ME3: variants seen among roughly 807,000 people sequenced by gnomAD.
ME3 encodes the protein malic enzyme 3.
ME3 carries 48 observed loss-of-function variants against 68.9 expected under a neutral mutation model. The observed-to-expected ratio is 0.70, with a 90% CI of 0.55 to 0.89. The LOEUF (loss-of-function observed/expected upper bound fraction) is 0.89. Ranked by LOEUF, ME3 falls within the 40% of genes least tolerant of loss-of-function variation. The pLI, the probability that ME3 is intolerant of heterozygous loss-of-function variation, is 0.00. For synonymous variants in ME3, 320 were observed against 318.8 expected (o/e 1.00, Z -0.04); for missense variants, 675 against 797.4 (o/e 0.85, Z 1.85).
chr11:86,465,212 G>A lies in ME3; in HGVS notation c.810-12C>T. ...AATTTATTCCAAACCTGTGTGGAGG[G>A]AGAGGAAGAAACCCATGATTGCCTC... On this transcript the variant is annotated splice_polypyrimidine_tract_variant and intron_variant, in intron 7 of 14. Coordinates refer to ENST00000543262, the Ensembl canonical transcript of ME3. The A allele has an allele frequency of 6.3e-7, 1 of 1,587,904 alleles. No individual in the cohort carries two copies. Among genetic ancestry groups the A allele is most frequent in the Non-Finnish European group, 8.6e-7 (1 of 1,157,562 alleles).
intron 13 of ME3, among the ~76,000 whole-genome samples, chr11:86,444,485 A>G (rs939043884): frequency 6.6e-6 from 1 of 152,218 alleles, no homozygotes; most frequent in African/African-American, 2.4e-5. Flanking sequence ...TTGTGAAGGT[A>G]TAGAAGATGG....
In ME3 at chr11:86,594,619, G is replaced by A. The variant is rs571947326; in HGVS notation, c.184-34796C>T. On this transcript the variant is annotated intron_variant, in intron 2 of 14. Transcript: ENST00000543262. The stretch of plus-strand genomic sequence containing the variant: ...TGAGATGGGAAGATCACTTGAGCCC[G>A]AGAGGTCAACGCTGCAGTGAGCTGT... Among the ~76,000 whole-genome samples, 7 of 145,986 alleles carry A rather than the reference G, an allele frequency of 4.8e-5. 1 individual carries two copies. Among genetic ancestry groups the A allele is most frequent in the Admixed American group, 2.2e-4 (3 of 13,648 alleles).
At chr11:86,629,239 C>A (rs896738507) in intron 2 of ME3, among the ~76,000 whole-genome samples, 1 of 152,182 alleles carries the variant, frequency 6.6e-6, no homozygotes, top group Non-Finnish European at 1.5e-5. Context: ...TGTATTCCTT[C>A]GTCATAACAT....
chr11:86,608,405 A>C (rs1942311389), intron 2 of ME3, among the ~76,000 whole-genome samples: 1 of 152,206 alleles, frequency 6.6e-6, no homozygotes, highest in African/African-American at 2.4e-5. Flanking sequence ...CATGAGATGG[A>C]AGCAATCTGG....
chr11:86,526,826 T>A (rs1954791598), intron 4 of ME3, among the ~76,000 whole-genome samples: 1 of 152,078 alleles, frequency 6.6e-6, no homozygotes, highest in African/African-American at 2.4e-5. Context: ...GAAGGAAAAC[T>A]AACAAACAGA....
intron 8 of ME3, chr11:86,462,651 A>T: frequency 8.0e-7 from 1 of 1,243,426 alleles, no homozygotes; most frequent in South Asian, 1.2e-5. Context: ...TTAGGCATCT[A>T]TCATGTAGCA....
chr11:86,640,165 G>C (rs958068166), intron 2 of ME3, among the ~76,000 whole-genome samples: 2 of 152,324 alleles, frequency 1.3e-5, no homozygotes, highest in Non-Finnish European at 2.9e-5. Flanking sequence ...ACAAAAATAA[G>C]ACTGCATGAC....
intron 2 of ME3, among the ~76,000 whole-genome samples, chr11:86,626,142 A>C (rs1311731813): frequency 1.3e-5 from 2 of 152,218 alleles, no homozygotes; most frequent in Admixed American, 1.3e-4. Context: ...ATTTCTCCAA[A>C]CCTACTCCTC....
intron 14 of ME3, among the ~76,000 whole-genome samples, chr11:86,441,915 A>T (rs1949014698): frequency 6.6e-6 from 1 of 152,152 alleles, no homozygotes; most frequent in African/African-American, 2.4e-5. Flanking sequence ...CGAGAATGTG[A>T]ATCTAAATAT....
chr11:86,468,165 C>T (rs1950589951), intron 7 of ME3, among the ~76,000 whole-genome samples: 1 of 152,156 alleles, frequency 6.6e-6, no homozygotes, highest in African/African-American at 2.4e-5. Flanking sequence ...GCACCAAGAC[C>T]TCTGAGCCCT....
chr11:86,541,958 C>A (rs867152310), intron 4 of ME3, among the ~76,000 whole-genome samples: 2 of 152,192 alleles, frequency 1.3e-5, no homozygotes, highest in African/African-American at 4.8e-5. Flanking sequence ...GAGAAAGGAG[C>A]AGGCAGCAAT....
chr11:86,435,697 A>G, the ME3 span: 1 of 152,272 alleles, frequency 6.6e-6, no homozygotes, highest in South Asian at 2.1e-4. Context: ...CTCAGAGAAC[A>G]TCTATGGGGG....
chr11:86,455,362 T>C (rs1203032057), intron 8 of ME3, among the ~76,000 whole-genome samples: 1 of 152,228 alleles, frequency 6.6e-6, no homozygotes, highest in Non-Finnish European at 1.5e-5. Flanking sequence ...TTTTTGAGCA[T>C]CAATTATGAA....
At chr11:86,596,335 A>G (rs944406610) in intron 2 of ME3, among the ~76,000 whole-genome samples, 4 of 152,240 alleles carry the variant, frequency 2.6e-5, no homozygotes, top group African/African-American at 7.2e-5. Flanking sequence ...GGCAGAATGT[A>G]AAGTGCCCTG....
chr11:86,581,782 G>A (rs185531781), intron 2 of ME3, among the ~76,000 whole-genome samples: 1 of 152,270 alleles, frequency 6.6e-6, no homozygotes, highest in East Asian at 1.9e-4. Context: ...AAACTGGAGA[G>A]TCACCCTGGA....
At chr11:86,648,213 G>C (rs1023654563) in intron 2 of ME3, among the ~76,000 whole-genome samples, 9 of 152,196 alleles carry the variant, frequency 5.9e-5, no homozygotes, top group African/African-American at 9.6e-5. Flanking sequence ...AAACCAGTGA[G>C]AACAAAGATA....
chr11:86,491,730 G>A (rs1296585668), intron 6 of ME3, among the ~76,000 whole-genome samples: 1 of 152,202 alleles, frequency 6.6e-6, no homozygotes, highest in East Asian at 1.9e-4. Context: ...GTTTAGAGGA[G>A]AAGATTTCAG....
At chr11:86,500,858 C>T (rs950370254) in intron 5 of ME3, among the ~76,000 whole-genome samples, 2 of 152,066 alleles carry the variant, frequency 1.3e-5, no homozygotes, top group Admixed American at 1.3e-4. Context: ...GAAATTTCTC[C>T]TTCCCCTGAA....
intron 5 of ME3, among the ~76,000 whole-genome samples, chr11:86,500,340 C>G (rs72951784): frequency 6.6e-6 from 1 of 152,250 alleles, no homozygotes; most frequent in South Asian, 2.1e-4. Context: ...TGTAGTGGCA[C>G]TCTCCCAGCC....
Sources: allele counts gnomAD v4.1 joint callset (sites outside exome capture counted in the v4.1 genomes callset), GRCh38; gene constraint gnomAD v4.1.1; transcripts MANE v1.5; gene names NCBI Gene and HGNC (gene_info 2026-07-23, HGNC 2026-07-21).